ZBBX: variants seen among roughly 807,000 people sequenced by gnomAD.
ZBBX encodes the protein zinc finger B-box domain containing, also known as zinc finger B-box domain-containing protein 1.
In ZBBX, 101 loss-of-function variants were observed where a neutral mutation model predicts 108.5. The observed-to-expected ratio is 0.93, with a 90% CI of 0.79 to 1.10. The LOEUF is 1.10. ZBBX is among the 50% of genes least tolerant of loss of function. The pLI, the probability that ZBBX is intolerant of heterozygous loss-of-function variation, is 0.00. For missense variants in ZBBX, 1,009 were observed against 941.4 expected, an observed-to-expected ratio of 1.07 and a Z score of -0.94; for synonymous variants, 356 against 323.4, an observed-to-expected ratio of 1.10 and a Z score of -1.08.
chr3:167,193,666 A>C, the ZBBX span, among the ~76,000 whole-genome samples: 9 of 152,138 alleles, frequency 5.9e-5, no homozygotes, highest in Admixed American at 6.6e-5. Flanking sequence ...GGAGAATTCC[A>C]AAGTTGTCTC....
intron 16 of ZBBX, among the ~76,000 whole-genome samples, chr3:167,307,217 C>T (rs915629158): frequency 1.3e-5 from 2 of 152,136 alleles, no homozygotes; most frequent in Admixed American, 1.3e-4. Flanking sequence ...TGGCACAAGA[C>T]GAGGATGCCC....
chr3:167,309,395 TGCACCACTCTA>T lies in ZBBX; in HGVS notation c.1418-3456_1418-3446del, dbSNP rs1734205693. ...GGGCTCCTACCACATATTTCCCCTTTGCACCACTCTAGTAGAGGTTCTCCATGAGTGCTCTG... is the reference window on the plus strand; with the variant it reads ...GGGCTCCTACCACATATTTCCCCTTTGTAGAGGTTCTCCATGAGTGCTCTG... On this transcript the variant is annotated intron_variant, in intron 16 of 21. Transcript: ENST00000675490. Among the ~76,000 whole-genome samples, 5 of 152,324 alleles carry T rather than the reference TGCACCACTCTA, an allele frequency of 3.3e-5. No homozygotes were observed. In the South Asian group the frequency reaches 1.0e-3, roughly 32 times the overall value.
At chr3:167,334,062 G>A in intron 9 of ZBBX, 77 bp from the exon 10 acceptor site, 1 of 980,168 alleles carries the variant, frequency 1.0e-6, no homozygotes, top group Non-Finnish European at 1.4e-6. Flanking sequence ...ACTCATATTT[G>A]TGTTATTCTA....
intron 12 of ZBBX, among the ~76,000 whole-genome samples, 195 bp from the exon 13 acceptor site, chr3:167,317,792 A>T (rs1025103518): frequency 6.6e-6 from 1 of 152,048 alleles, no homozygotes; most frequent in Non-Finnish European, 1.5e-5. Flanking sequence ...GTGTAAATCA[A>T]CTTGACATCA....
Position 167,368,334 on chromosome 3 carries a change from C to T in ZBBX, c.182+127G>A, listed in dbSNP as rs183228768. 5.5e-5 allele frequency: 38 copies of T among 690,876 alleles called. No homozygotes were observed. The Admixed American group carries it at 6.6e-4, about 12-fold the overall frequency. The allele number at this position is 690,876 out of a possible 1,614,324, so 42.8% of individuals were successfully genotyped here. ...AAAATAGAAGGCCTTTGCTATTGCT[C>T]GTTCATCAGGAAAAGTCAGAAATTA... On this transcript the variant is annotated intron_variant, in intron 5 of 21. Transcript: ENST00000675490.
intron 1 of ZBBX, among the ~76,000 whole-genome samples, chr3:167,396,222 C>A (rs1158224692): frequency 1.3e-5 from 2 of 151,994 alleles, no homozygotes; most frequent in Non-Finnish European, 2.9e-5. Context: ...CTGACTGTTG[C>A]AGGATACATT....
chr3:167,325,496 C>T lies in ZBBX; in HGVS notation c.862+2446G>A, dbSNP rs186371975. ...CTCTCGCCGGGGCCCTCCCACAACA[C>T]GTGGAAATTATGGGAGCTACAATTC... On this transcript the variant is annotated intron_variant, in intron 11 of 21. Transcript: ENST00000675490. Among the ~76,000 whole-genome samples, 75 of 152,224 alleles carry T rather than the reference C, an allele frequency of 4.9e-4. No homozygotes were observed. The Middle Eastern group carries it at 0.024, about 48-fold the overall frequency.
chr3:167,260,968 G>C (rs1024546313), intron 20 of ZBBX, among the ~76,000 whole-genome samples: 1 of 152,194 alleles, frequency 6.6e-6, no homozygotes, highest in South Asian at 2.1e-4. Context: ...CTCTGTCAGA[G>C]GGAAGGTCTA....
the ZBBX span, among the ~76,000 whole-genome samples, chr3:167,208,486 G>A: frequency 6.6e-6 from 1 of 152,202 alleles, no homozygotes; most frequent in Admixed American, 6.5e-5. Context: ...GCTACTGTAG[G>A]ATTGAGTACT....
At chr3:167,343,760 A>G (rs938292718) in intron 9 of ZBBX, among the ~76,000 whole-genome samples, 6 of 152,056 alleles carry the variant, frequency 3.9e-5, no homozygotes, top group East Asian at 1.9e-4. Context: ...ACTCTTGTAC[A>G]TGGCTGATTG....
At chr3:167,322,064 G>A (rs1329665415) in intron 12 of ZBBX, 53 bp downstream of exon 12, 1 of 1,064,416 alleles carries the variant, frequency 9.4e-7, no homozygotes, top group African/African-American at 1.6e-5. Context: ...ATACAAGAAA[G>A]AAACATAAAT....
At chr3:167,341,706 AT>A (rs1487283728) in intron 9 of ZBBX, among the ~76,000 whole-genome samples, 1 of 151,960 alleles carries the variant, frequency 6.6e-6, no homozygotes, top group African/African-American at 2.4e-5. Flanking sequence ...AGTACTTGCA[AT>A]TTTTTTCAAC....
intron 18 of ZBBX, 32 bp downstream of exon 18, chr3:167,298,273 G>A: frequency 6.4e-7 from 1 of 1,552,290 alleles, no homozygotes; most frequent in Non-Finnish European, 8.7e-7. Flanking sequence ...GATGAGAACA[G>A]ACTGTTTTAG....
At chr3:167,400,220 C>T (rs1286840220) in intron 1 of ZBBX, among the ~76,000 whole-genome samples, 3 of 152,018 alleles carry the variant, frequency 2.0e-5, no homozygotes, top group African/African-American at 4.8e-5. Context: ...GGTATATACC[C>T]AGTAGTGGGA....
At chr3:167,247,329 A>G (rs1721749133) in intron 20 of ZBBX, among the ~76,000 whole-genome samples, 1 of 152,138 alleles carries the variant, frequency 6.6e-6, no homozygotes, top group South Asian at 2.1e-4. Flanking sequence ...GTTGAGATGG[A>G]GTTTGGCTAG....
At chr3:167,300,904 C>T (rs919774037) in intron 17 of ZBBX, among the ~76,000 whole-genome samples, 5 of 148,432 alleles carry the variant, frequency 3.4e-5, no homozygotes, top group African/African-American at 1.3e-4. Flanking sequence ...GCGTGAGCCA[C>T]TGTGCCTGGC....
At chr3:167,209,380 G>A in the ZBBX span, among the ~76,000 whole-genome samples, 1 of 152,020 alleles carries the variant, frequency 6.6e-6, no homozygotes, top group Non-Finnish European at 1.5e-5. Flanking sequence ...ATTCCAGAAA[G>A]CTCAGCACAG....
the ZBBX span, among the ~76,000 whole-genome samples, chr3:167,201,934 A>G: frequency 4.6e-5 from 7 of 152,162 alleles, no homozygotes; most frequent in Admixed American, 1.3e-4. Flanking sequence ...CCACCAATGT[A>G]TGCATTATCT....
chr3:167,181,141 A>C, the ZBBX span, among the ~76,000 whole-genome samples: 1 of 152,162 alleles, frequency 6.6e-6, no homozygotes. Context: ...ATGATACCCT[A>C]AACCTTGGCA....
Sources: gnomAD v4.1 joint callset for allele counts (sites outside exome capture counted in the v4.1 genomes callset) on GRCh38, gnomAD v4.1.1 for gene constraint, MANE v1.5 for transcripts, NCBI Gene and HGNC (gene_info 2026-07-23, HGNC 2026-07-21) for gene names.